CENPF: variants seen among roughly 807,000 people sequenced by gnomAD.
The protein encoded by CENPF is AH antigen.
In CENPF, 214 loss-of-function variants were observed where a neutral mutation model predicts 307.3. The ratio of observed to expected loss-of-function variants is 0.70; its 90% confidence interval spans 0.62 to 0.78. CENPF has a LOEUF of 0.78. Ranked by LOEUF, CENPF falls within the 30% of genes least tolerant of loss-of-function variation. The pLI, the probability that CENPF is intolerant of heterozygous loss-of-function variation, is 0.00. For missense variants in CENPF, 3,401 were observed against 3,483.9 expected (o/e 0.98, Z 0.60); for synonymous variants, 1,259 against 1,270.6 (o/e 0.99, Z 0.19).
chr1:214,642,270 A>C lies in CENPF; in HGVS notation c.3932A>C (p.Gln1311Pro), dbSNP rs747344680. The C allele has an allele frequency of 9.3e-6, 15 of 1,613,716 alleles. No individual in the cohort carries two copies. Among genetic ancestry groups the C allele is most frequent in the Admixed American group, 1.7e-5 (1 of 59,956 alleles). The change falls in exon 12 of 20, where the codon CAG (glutamine) becomes CCG (proline). Residue 1311 changes from glutamine (Q) to proline (P), a missense_variant. Physicochemically the swap from Gln to Pro is moderately conservative, Grantham distance 76. Transcript: ENST00000366955. Reference sequence around the variant, plus strand: ...CTAGAGAAAATATGTGAAATACTGCAGGCTGAAAAGTATGAACTCGTAACT... The same window carrying C: ...CTAGAGAAAATATGTGAAATACTGCCGGCTGAAAAGTATGAACTCGTAACT... Reference protein sequence around the residue: ...NELEKICEILQAEKYELVTEL... With the variant: ...NELEKICEILPAEKYELVTEL...
intron 11 of CENPF, 43 bp from the exon 12 acceptor site, chr1:214,639,878 C>T (rs768048515): frequency 5.8e-6 from 8 of 1,384,558 alleles, no homozygotes; most frequent in Middle Eastern, 2.6e-4. Context: ...GTAGAATAAA[C>T]ATTTATTACA....
rs1467134554 is a variant in CENPF at position 214,638,061 on chromosome 1, T to C, written c.1582+60T>C. On this transcript the variant is annotated intron_variant, in intron 11 of 19. Coordinates refer to ENST00000366955, the MANE Select transcript of CENPF (RefSeq NM_016343.4). Reference sequence around the variant, plus strand: ...AAGCTGCTATTCCCGTGAGAGGGGATGGATGGCATTAACATATTAGAGAAA... The same window carrying C: ...AAGCTGCTATTCCCGTGAGAGGGGACGGATGGCATTAACATATTAGAGAAA... 4.7e-6 allele frequency: 7 copies of C among 1,481,062 alleles called. No homozygotes were observed. The Middle Eastern group carries it at 5.4e-4, about 115-fold the overall frequency. The allele number at this position is 1,481,062 out of a possible 1,614,324, so 91.7% of individuals were successfully genotyped here. A position where few individuals can be genotyped will look rare whatever the true frequency, so the allele number is the denominator to read the frequency against.
Position 214,662,719 on chromosome 1 carries a change from A to C in CENPF, c.9142-872A>C, listed in dbSNP as rs188957453. 1.3e-4 allele frequency among the ~76,000 whole-genome samples: 19 copies of C among 151,830 alleles called. No individual in the cohort carries two copies. In the East Asian group the frequency reaches 3.1e-3, roughly 25 times the overall value. ...AACTTTGCTTAGGTGAAGCTTTCCT[A>C]TACTTCATTTTTCTTGCACTTTTTT... On this transcript the variant is annotated intron_variant, in intron 19 of 19. Coordinates refer to ENST00000366955, the MANE Select transcript of CENPF (RefSeq NM_016343.4).
At chr1:214,661,539 A>T (rs1382036041) in intron 19 of CENPF, among the ~76,000 whole-genome samples, 2 of 152,192 alleles carry the variant, frequency 1.3e-5, no homozygotes, top group African/African-American at 4.8e-5. Flanking sequence ...GTAACATCTG[A>T]CAAGTTCAAA....
intron 1 of CENPF, chr1:214,605,721 C>A (rs2102521521): frequency 6.3e-7 from 1 of 1,593,770 alleles, no homozygotes; most frequent in South Asian, 1.1e-5. Context: ...CGACGCAGGC[C>A]CTCCAGGTAC....
intron 3 of CENPF, among the ~76,000 whole-genome samples, chr1:214,616,172 T>C (rs1167730423): frequency 6.6e-6 from 1 of 152,142 alleles, no homozygotes; most frequent in Non-Finnish European, 1.5e-5. Flanking sequence ...TTTTTGATGA[T>C]GGTGTTTGTG....
chr1:214,646,174 G>A lies in CENPF; in HGVS notation c.6604G>A (p.Glu2202Lys), dbSNP rs898767134. Residue 2202 changes from glutamate (E) to lysine (K), a missense_variant, in exon 13 of 20, where the codon GAA becomes AAA. Coordinates refer to ENST00000366955, the MANE Select transcript of CENPF (RefSeq NM_016343.4). ...GATGGCCAGAAGCCTGAAAGTTTTTGAATTAGACCTTGTCACGTTAAGGTC... is the reference window on the plus strand; with the variant it reads ...GATGGCCAGAAGCCTGAAAGTTTTTAAATTAGACCTTGTCACGTTAAGGTC... ...EEMARSLKVF[E>K]LDLVTLRSEK... is the part of the protein sequence containing the mutation. 2.5e-6 allele frequency: 4 copies of A among 1,613,126 alleles called. No homozygotes were observed. Among genetic ancestry groups the A allele is most frequent in the Non-Finnish European group, 3.4e-6 (4 of 1,179,858 alleles).
intron 9 of CENPF, among the ~76,000 whole-genome samples, chr1:214,631,237 CA>C (rs1190563879): frequency 2.0e-5 from 3 of 152,192 alleles, no homozygotes; most frequent in Admixed American, 6.5e-5. Flanking sequence ...CTTGCACTTC[CA>C]TTCCCCGCAT....
rs1368997907 is a variant in CENPF, at chr1:214,664,315, T to C, written c.*521T>C. ...ATGTGCACACATATACATGTAGGAG[T>C]GTTTATCTTTCTCTTACAATCTGTT... On this transcript the variant is annotated 3_prime_UTR_variant, in exon 20 of 20. Coordinates refer to ENST00000366955, the MANE Select transcript of CENPF (RefSeq NM_016343.4). The C allele has an allele frequency of 6.5e-6, 1 of 153,956 alleles. No individual in the cohort carries two copies. The highest frequency in any genetic ancestry group is 1.9e-4 in the East Asian group (1 of 5,220). 9.5% of individuals were successfully genotyped at this position (153,956 alleles called of 1,614,324 possible).
Position 214,641,698 on chromosome 1 carries a change from T to A in CENPF, c.3360T>A (p.Asn1120Lys). The part of the protein sequence containing the change: ...LRSEMTDNQN[N>K]SKSEAGGLKQ... Reference sequence around the variant, plus strand: ...CTGAGATGACAGATAACCAAAACAATTCTAAGAGCGAGGCTGGTGGTTTAA... The same window carrying A: ...CTGAGATGACAGATAACCAAAACAAATCTAAGAGCGAGGCTGGTGGTTTAA... Residue 1120 changes from asparagine (N) to lysine (K), a missense_variant, in exon 12 of 20, where the codon AAT becomes AAA. Transcript: ENST00000366955. 6.3e-7 allele frequency: 1 copy of A among 1,580,446 alleles called. No homozygotes were observed. Among genetic ancestry groups the A allele is most frequent in the Non-Finnish European group, 8.6e-7 (1 of 1,166,656 alleles).
intron 14 of CENPF, among the ~76,000 whole-genome samples, chr1:214,649,111 A>G (rs1410452858): frequency 1.3e-5 from 2 of 152,244 alleles, no homozygotes; most frequent in African/African-American, 2.4e-5. Flanking sequence ...ATTAACGCAC[A>G]ACAGAAGTAG....
chr1:214,605,159 C>T (rs562766059), intron 1 of CENPF, among the ~76,000 whole-genome samples: 2 of 152,208 alleles, frequency 1.3e-5, no homozygotes, highest in South Asian at 2.1e-4. Flanking sequence ...TATTTTCTTC[C>T]AGCTGATTTC....
At chr1:214,651,639 T>C in intron 14 of CENPF, 71 bp from the exon 15 acceptor site, 3 of 1,224,662 alleles carry the variant, frequency 2.4e-6, no homozygotes, top group South Asian at 1.6e-5. Flanking sequence ...GTACACATTA[T>C]TTCCTAAAAA....
intron 16 of CENPF, chr1:214,654,362 C>T (rs994355916): frequency 1.1e-4 from 17 of 152,076 alleles, no homozygotes; most frequent in African/African-American, 3.6e-4. Context: ...CACTTGAGGC[C>T]AGGAATTTGA....
intron 3 of CENPF, among the ~76,000 whole-genome samples, chr1:214,615,912 A>G (rs967505452): frequency 6.6e-6 from 1 of 151,950 alleles, no homozygotes; most frequent in Non-Finnish European, 1.5e-5. Context: ...TCCTTATAGC[A>G]CATTTGGTTT....
chr1:214,632,665 A>G (rs1470577943), intron 10 of CENPF, 63 bp downstream of exon 10: 17 of 1,581,174 alleles, frequency 1.1e-5, no homozygotes, highest in Non-Finnish European at 1.5e-5. Context: ...GGGGAAAAGA[A>G]TATTCCTATT....
Position 214,622,216 on chromosome 1 carries a change from G to A in CENPF, c.1003G>A (p.Val335Ile), listed in dbSNP as rs1297912374. 6.2e-7 allele frequency: 1 copy of A among 1,614,070 alleles called. No individual in the cohort carries two copies. The highest frequency in any genetic ancestry group is 8.5e-7 in the Non-Finnish European group (1 of 1,179,972). The change falls in exon 7 of 20, where the codon GTT (valine) becomes ATT (isoleucine). Residue 335 changes from valine (V) to isoleucine (I), a missense_variant. Transcript: ENST00000366955. ...AGTGGAATTAATTGAAAAAGAGAAAGTTTTGAACAAATGTAGGGATGAACT... is the reference window on the plus strand; with the variant it reads ...AGTGGAATTAATTGAAAAAGAGAAAATTTTGAACAAATGTAGGGATGAACT... ...AKVELIEKEK[V>I]LNKCRDELVR...
Position 214,645,418 on chromosome 1 carries a change from G to A in CENPF, c.5848G>A (p.Glu1950Lys). Residue 1950 changes from glutamate to lysine, a missense_variant, in exon 13 of 20, where the codon GAA (glutamate) becomes AAA (lysine). Coordinates refer to ENST00000366955, the MANE Select transcript of CENPF (RefSeq NM_016343.4). ...ENKQKVIVCL[E>K]EELSVVTSER... ...TAAGCAGAAGGTTATTGTCTGCCTT[G>A]AAGAAGAACTCTCAGTGGTCACAAG... 1 of 1,614,076 alleles carries A rather than the reference G, an allele frequency of 6.2e-7. No homozygotes were observed. The highest frequency in any genetic ancestry group is 8.5e-7 in the Non-Finnish European group (1 of 1,179,998).
At chr1:214,653,308 T>A (rs1658540366) in intron 16 of CENPF, among the ~76,000 whole-genome samples, 1 of 152,312 alleles carries the variant, frequency 6.6e-6, no homozygotes, top group Non-Finnish European at 1.5e-5. Flanking sequence ...GAAAACAGTC[T>A]GACGGGCAAT....
Sources: allele counts gnomAD v4.1 joint callset (sites outside exome capture counted in the v4.1 genomes callset), GRCh38; gene constraint gnomAD v4.1.1; transcripts MANE v1.5; gene names NCBI Gene and HGNC (gene_info 2026-07-23, HGNC 2026-07-21).